The following RIT2 variants were observed in gnomAD, a reference collection of about 807,000 sequenced individuals.
RIT2 encodes the protein GTP-binding protein Rit2.
A neutral mutation model predicts 23.7 loss-of-function variants in RIT2; 24 were observed. The observed-to-expected ratio is 1.01, with a 90% CI of 0.73 to 1.43. RIT2 has a LOEUF of 1.43. Ranked by LOEUF, RIT2 falls within the 40% of genes most tolerant of loss-of-function variation. The pLI, the probability that RIT2 is intolerant of heterozygous loss-of-function variation, is 0.00. For synonymous variants in RIT2, 107 were observed against 91.1 expected (o/e 1.17, Z -0.99); for missense variants, 236 against 266.9 (o/e 0.88, Z 0.81).
intron 4 of RIT2, among the ~76,000 whole-genome samples, chr18:42,902,262 G>A (rs1458294643): frequency 3.3e-5 from 5 of 151,846 alleles, no homozygotes; most frequent in Admixed American, 6.6e-5. Flanking sequence ...TAAAGGAGAC[G>A]TTCAGAACTA....
chr18:42,986,237 C>T (rs915799032), intron 2 of RIT2, among the ~76,000 whole-genome samples: 6 of 151,888 alleles, frequency 4.0e-5, no homozygotes, highest in African/African-American at 1.5e-4. Flanking sequence ...GATGGGGTTT[C>T]ACCATGTTAG....
chr18:43,045,330 T>C (rs531305824), intron 1 of RIT2, among the ~76,000 whole-genome samples: 1 of 152,326 alleles, frequency 6.6e-6, no homozygotes, highest in South Asian at 2.1e-4. Flanking sequence ...GGAGTTATTG[T>C]AGATGTTAAC....
intron 4 of RIT2, among the ~76,000 whole-genome samples, chr18:42,899,491 C>T (rs1042100588): frequency 1.3e-5 from 2 of 151,834 alleles, no homozygotes; most frequent in African/African-American, 4.8e-5. Context: ...CTCACTGTAT[C>T]TGAAACAGCT....
At chr18:42,745,975 T>C (rs1049638371) in intron 4 of RIT2, among the ~76,000 whole-genome samples, 11 of 152,186 alleles carry the variant, frequency 7.2e-5, no homozygotes, top group Non-Finnish European at 1.3e-4. Flanking sequence ...TTTTTTGTTT[T>C]GTTTTGCTTT....
At chr18:42,975,103 T>A (rs1910448750) in intron 2 of RIT2, among the ~76,000 whole-genome samples, 2 of 152,130 alleles carry the variant, frequency 1.3e-5, no homozygotes, top group Non-Finnish European at 2.9e-5. Flanking sequence ...TTCCCTTTTA[T>A]CTGCAACCTC....
chr18:42,769,779 A>G (rs1166973532), intron 4 of RIT2, among the ~76,000 whole-genome samples: 1 of 151,114 alleles, frequency 6.6e-6, no homozygotes, highest in African/African-American at 2.4e-5. Context: ...CTGAATTGCA[A>G]GATATACCAC....
At chr18:42,942,281 C>G (rs1244129689) in intron 3 of RIT2, among the ~76,000 whole-genome samples, 2 of 152,066 alleles carry the variant, frequency 1.3e-5, no homozygotes, top group African/African-American at 2.4e-5. Flanking sequence ...GCTGGCAGGA[C>G]TCAACTTCTA....
At chr18:42,908,251 A>T (rs1450403554) in intron 4 of RIT2, among the ~76,000 whole-genome samples, 6 of 151,890 alleles carry the variant, frequency 4.0e-5, no homozygotes, top group Admixed American at 2.0e-4. Context: ...CTGAACAACA[A>T]AGAGAAAATA....
intron 4 of RIT2, among the ~76,000 whole-genome samples, chr18:42,919,932 G>C (rs1269654719): frequency 6.6e-6 from 1 of 152,092 alleles, no homozygotes; most frequent in East Asian, 1.9e-4. Context: ...AGGACCTAAT[G>C]TTGTTCAGGA....
chr18:43,008,673 A>C (rs1037964480), intron 2 of RIT2, among the ~76,000 whole-genome samples: 33 of 151,546 alleles, frequency 2.2e-4, no homozygotes, highest in Non-Finnish European at 4.3e-4. Context: ...TACACTATTC[A>C]ATACTAAATC....
At chr18:42,917,938 T>TC (rs1908954596) in intron 4 of RIT2, among the ~76,000 whole-genome samples, 1 of 152,124 alleles carries the variant, frequency 6.6e-6, no homozygotes, top group Admixed American at 6.6e-5. Flanking sequence ...GCCAACCCCT[T>TC]CCCTTGCTTC....
At chr18:42,820,590 T>A (rs2143991456) in intron 4 of RIT2, among the ~76,000 whole-genome samples, 1 of 152,232 alleles carries the variant, frequency 6.6e-6, no homozygotes, top group East Asian at 1.9e-4. Flanking sequence ...TCTTAATGGT[T>A]CACCTTGGTT....
intron 3 of RIT2, among the ~76,000 whole-genome samples, chr18:42,950,161 A>G (rs1449455613): frequency 6.6e-6 from 1 of 152,162 alleles, no homozygotes; most frequent in African/African-American, 2.4e-5. Flanking sequence ...TAAATACTAT[A>G]AGGCTACAGT....
intron 4 of RIT2, among the ~76,000 whole-genome samples, chr18:42,788,547 A>T (rs1384680176): frequency 1.3e-5 from 2 of 152,204 alleles, no homozygotes; most frequent in Non-Finnish European, 2.9e-5. Flanking sequence ...TTTACTCTCA[A>T]GTGAATGTTG....
chr18:43,003,699 C>G (rs961331877), intron 2 of RIT2, among the ~76,000 whole-genome samples: 1 of 150,978 alleles, frequency 6.6e-6, no homozygotes, highest in East Asian at 2.0e-4. Flanking sequence ...AAACTTTTGT[C>G]TTTCTGATGC....
chr18:42,752,888 C>G (rs971450356), intron 4 of RIT2, among the ~76,000 whole-genome samples: 1 of 151,948 alleles, frequency 6.6e-6, no homozygotes, highest in Non-Finnish European at 1.5e-5. Context: ...CACCTGGAGG[C>G]CTTAGAAAGC....
chr18:42,850,132 A>T (rs1458340349), intron 4 of RIT2, among the ~76,000 whole-genome samples: 1 of 150,208 alleles, frequency 6.7e-6, no homozygotes, highest in Non-Finnish European at 1.5e-5. Context: ...TAACGAGATT[A>T]ATAAAAGGTT....
intron 4 of RIT2, among the ~76,000 whole-genome samples, chr18:42,795,276 C>T (rs992225342): frequency 6.6e-6 from 1 of 152,198 alleles, no homozygotes; most frequent in East Asian, 1.9e-4. Flanking sequence ...ACCGGGGCTG[C>T]GTGCAGTGCT....
chr18:42,756,647 C>G (rs1352759073), intron 4 of RIT2, among the ~76,000 whole-genome samples: 1 of 151,988 alleles, frequency 6.6e-6, no homozygotes, highest in Non-Finnish European at 1.5e-5. Context: ...AAATGCAGGA[C>G]CTTGAACGTG....
Sources: allele counts gnomAD v4.1 joint callset (sites outside exome capture counted in the v4.1 genomes callset), GRCh38; gene constraint gnomAD v4.1.1; transcripts MANE v1.5; gene names NCBI Gene and HGNC (gene_info 2026-07-23, HGNC 2026-07-21).